SHISA9: variants seen among roughly 807,000 people sequenced by gnomAD.
SHISA9 encodes shisa family member 9, also known as protein shisa-9.
In SHISA9, 13 loss-of-function variants were observed where a neutral mutation model predicts 38.0. The ratio of observed to expected loss-of-function variants is 0.34; its 90% CI spans 0.22 to 0.54. The LOEUF (loss-of-function observed/expected upper bound fraction) is 0.54, where lower values mean the gene tolerates loss of function less well. Ranked by LOEUF, SHISA9 falls within the 20% of genes least tolerant of loss-of-function variation. SHISA9 has a pLI of 0.91. For missense variants in SHISA9, 538 were observed against 575.8 expected (o/e 0.93, Z 0.67); for synonymous variants, 275 against 242.0 (o/e 1.14, Z -1.27).
the SHISA9 span, among the ~76,000 whole-genome samples, chr16:13,403,545 A>C: frequency 6.6e-6 from 1 of 152,166 alleles, no homozygotes; most frequent in Non-Finnish European, 1.5e-5. Flanking sequence ...CCTAATCTCT[A>C]TTGGGTTTGA....
intron 2 of SHISA9, among the ~76,000 whole-genome samples, chr16:13,146,713 C>T (rs1277056325): frequency 2.0e-5 from 3 of 152,100 alleles, no homozygotes; most frequent in East Asian, 1.9e-4. Flanking sequence ...TGTCCAAGAC[C>T]GCACATCTTA....
intron 4 of SHISA9, among the ~76,000 whole-genome samples, chr16:13,223,456 A>G (rs913433644): frequency 2.0e-5 from 3 of 152,108 alleles, no homozygotes; most frequent in African/African-American, 7.2e-5. Flanking sequence ...TCTGTCATAT[A>G]AAACTGGTGC....
In SHISA9 at chr16:12,902,466, C is replaced by T; in HGVS notation, c.402C>T (p.Pro134=). 6.4e-7 allele frequency: 1 copy of T among 1,551,522 alleles called. No individual in the cohort carries two copies. The highest frequency in any genetic ancestry group is 8.7e-7 in the Non-Finnish European group (1 of 1,146,996). ...DTPLWLNTGK[P]PARKDDPLHD... The stretch of plus-strand genomic sequence containing the variant: ...CGCTCTGGCTCAACACCGGCAAGCC[C>T]CCCGCCCGCAAGGACGACCCCTTGC... The change falls in exon 1 of 5, where the codon CCC becomes CCT. Residue 134 remains proline (P), a synonymous_variant. Coordinates refer to ENST00000558583, the MANE Select transcript of SHISA9 (RefSeq NM_001145204.3).
the SHISA9 span, among the ~76,000 whole-genome samples, chr16:13,498,565 T>C: frequency 6.6e-6 from 1 of 152,170 alleles, no homozygotes; most frequent in African/African-American, 2.4e-5. Flanking sequence ...GAGACCAACC[T>C]GACCGACACG....
the SHISA9 span, among the ~76,000 whole-genome samples, chr16:13,335,560 T>C: frequency 6.6e-6 from 1 of 152,202 alleles, no homozygotes; most frequent in African/African-American, 2.4e-5. Context: ...GCTCCGTACA[T>C]AAAATCAGAG....
the SHISA9 span, among the ~76,000 whole-genome samples, chr16:13,528,866 T>C: frequency 6.6e-6 from 1 of 152,244 alleles, no homozygotes; most frequent in Non-Finnish European, 1.5e-5. Flanking sequence ...AGTTTTAGTA[T>C]GGCCCTAAAG....
At chr16:12,908,525 G>A in intron 1 of SHISA9, 1 of 1,552,084 alleles carries the variant, frequency 6.4e-7, no homozygotes, top group Non-Finnish European at 8.7e-7. Flanking sequence ...TTCTTTCCAA[G>A]AGGACGAACC....
chr16:13,064,820 G>A (rs2073416013), intron 2 of SHISA9, among the ~76,000 whole-genome samples: 1 of 151,096 alleles, frequency 6.6e-6, no homozygotes, highest in South Asian at 2.1e-4. Flanking sequence ...GAGAACAAAT[G>A]GATGAGAAAG....
the SHISA9 span, among the ~76,000 whole-genome samples, chr16:13,320,332 A>T: frequency 1.3e-5 from 2 of 149,824 alleles, no homozygotes; most frequent in Admixed American, 1.3e-4. Context: ...TAGGCAAAAC[A>T]GCAATAGGCT....
At chr16:12,934,718 C>T (rs937029884) in intron 2 of SHISA9, among the ~76,000 whole-genome samples, 5 of 152,138 alleles carry the variant, frequency 3.3e-5, no homozygotes, top group African/African-American at 1.2e-4. Flanking sequence ...AAATCGCTTA[C>T]CAAAGGAAGT....
At chr16:13,297,744 C>T in the SHISA9 span, among the ~76,000 whole-genome samples, 590 of 152,090 alleles carry the variant, frequency 3.9e-3, 9 homozygotes, top group East Asian at 0.033. Context: ...GTTATCAGTG[C>T]GTTCTTTCTT....
At chr16:12,982,051 C>T (rs2072246306) in intron 2 of SHISA9, among the ~76,000 whole-genome samples, 1 of 152,196 alleles carries the variant, frequency 6.6e-6, no homozygotes, top group South Asian at 2.1e-4. Flanking sequence ...TCAAATTAGA[C>T]TTATGGTCGT....
chr16:13,393,601 A>G, the SHISA9 span, among the ~76,000 whole-genome samples: 1 of 152,246 alleles, frequency 6.6e-6, no homozygotes, highest in Admixed American at 6.5e-5. Context: ...CAAAGCCAAC[A>G]GGACTCTTAT....
At chr16:12,944,905 T>G (rs917295299) in intron 2 of SHISA9, among the ~76,000 whole-genome samples, 1 of 152,084 alleles carries the variant, frequency 6.6e-6, no homozygotes, top group East Asian at 1.9e-4. Flanking sequence ...ATAAGTGAGA[T>G]AGGGAAACCC....
At chr16:13,229,925 G>A (rs577845946) in intron 4 of SHISA9, among the ~76,000 whole-genome samples, 60 of 152,290 alleles carry the variant, frequency 3.9e-4, no homozygotes, top group Non-Finnish European at 3.2e-4. Flanking sequence ...AGACCAGATA[G>A]GGGACCTCAT....
At chr16:13,073,222 C>CT (rs1245456928) in intron 2 of SHISA9, among the ~76,000 whole-genome samples, 3,820 of 137,838 alleles carry the variant, frequency 0.028, 104 homozygotes, top group African/African-American at 0.074. Context: ...CTCTCTCTCT[C>CT]TTTTTTTTTT....
At chr16:13,416,770 GGAAGGGAA>G in the SHISA9 span, among the ~76,000 whole-genome samples, 469 of 96,430 alleles carry the variant, frequency 4.9e-3, 4 homozygotes, top group African/African-American at 0.016. Flanking sequence ...AAGGAAGGAA[GGAAGGGAA>G]GGAAGGAAGG....
At chr16:13,003,922 A>G (rs1277507740) in intron 2 of SHISA9, among the ~76,000 whole-genome samples, 2 of 152,014 alleles carry the variant, frequency 1.3e-5, no homozygotes, top group African/African-American at 4.8e-5. Flanking sequence ...TACAACATCC[A>G]TAATATTCTA....
intron 2 of SHISA9, among the ~76,000 whole-genome samples, chr16:13,048,162 G>A (rs1046091098): frequency 5.9e-5 from 9 of 152,168 alleles, no homozygotes; most frequent in African/African-American, 1.2e-4. Flanking sequence ...TTTGCACAGC[G>A]TATAACTCAT....
Sources: allele counts gnomAD v4.1 joint callset (sites outside exome capture counted in the v4.1 genomes callset), GRCh38; gene constraint gnomAD v4.1.1; transcripts MANE v1.5; gene names NCBI Gene and HGNC (gene_info 2026-07-23, HGNC 2026-07-21).